ADK: variants seen among roughly 807,000 people sequenced by gnomAD.
The protein encoded by ADK is N6,N6-dimethyladenosine kinase.
A neutral mutation model predicts 44.7 loss-of-function variants in ADK; 24 were observed. That is an observed-to-expected ratio of 0.54 (90% confidence interval 0.39 to 0.76). The LOEUF (loss-of-function observed/expected upper bound fraction) is 0.76. ADK is among the 30% of genes least tolerant of loss of function. The probability of loss-of-function intolerance (pLI) is 0.00; values close to 1 mark genes in which losing one functional copy is unlikely to be tolerated. For missense variants in ADK, 321 were observed against 425.1 expected, an observed-to-expected ratio of 0.76 and a Z score of 2.15; for synonymous variants, 128 against 142.6, an observed-to-expected ratio of 0.90 and a Z score of 0.73.
intron 1 of ADK, among the ~76,000 whole-genome samples, chr10:74,190,201 C>T (rs1259793811): frequency 6.6e-6 from 1 of 152,206 alleles, no homozygotes; most frequent in Non-Finnish European, 1.5e-5. Context: ...TTTGCAACAG[C>T]AATGTATGAA....
At chr10:74,272,005 A>G (rs1846450176) in intron 3 of ADK, among the ~76,000 whole-genome samples, 1 of 152,012 alleles carries the variant, frequency 6.6e-6, no homozygotes, top group Admixed American at 6.6e-5. Flanking sequence ...GGAAACCTTA[A>G]TTATTCTGAA....
intron 10 of ADK, among the ~76,000 whole-genome samples, chr10:74,698,188 G>C (rs955118282): frequency 6.6e-6 from 1 of 152,196 alleles, no homozygotes; most frequent in Non-Finnish European, 1.5e-5. Flanking sequence ...AAAAGCCTGA[G>C]AGGCCCAGGT....
At chr10:74,549,622 A>G (rs547504811) in intron 7 of ADK, among the ~76,000 whole-genome samples, 2 of 152,168 alleles carry the variant, frequency 1.3e-5, no homozygotes, top group African/African-American at 4.8e-5. Flanking sequence ...TCTTGTGTAG[A>G]GATGGGGTTT....
chr10:74,680,047 G>A (rs1253144419), intron 10 of ADK, among the ~76,000 whole-genome samples: 1 of 151,950 alleles, frequency 6.6e-6, no homozygotes, highest in Non-Finnish European at 1.5e-5. Context: ...GGGCACGGTG[G>A]CTCACGCCTG....
chr10:74,348,862 A>G (rs1394956812), intron 4 of ADK, among the ~76,000 whole-genome samples: 1 of 149,396 alleles, frequency 6.7e-6, no homozygotes, highest in Non-Finnish European at 1.5e-5. Flanking sequence ...AAGATTAGAG[A>G]AAAAAAAAAT....
intron 6 of ADK, among the ~76,000 whole-genome samples, chr10:74,484,431 T>C (rs1847193632): frequency 1.3e-5 from 2 of 152,202 alleles, no homozygotes; most frequent in African/African-American, 4.8e-5. Context: ...CCTATCAGTG[T>C]TTACATTTTT....
intron 8 of ADK, among the ~76,000 whole-genome samples, chr10:74,590,768 A>C (rs986278346): frequency 6.6e-6 from 1 of 152,150 alleles, no homozygotes; most frequent in African/African-American, 2.4e-5. Flanking sequence ...TGTAGGACAA[A>C]ATGTAATCAT....
chr10:74,474,207 T>G (rs772795029), intron 6 of ADK, among the ~76,000 whole-genome samples: 10 of 151,778 alleles, frequency 6.6e-5, no homozygotes, highest in Non-Finnish European at 1.3e-4. Context: ...GCCTCAACCT[T>G]CTGGGCTCAA....
chr10:74,368,877 C>T (rs1479459059), intron 4 of ADK, among the ~76,000 whole-genome samples: 1 of 152,164 alleles, frequency 6.6e-6, no homozygotes, highest in Non-Finnish European at 1.5e-5. Context: ...ATCTGCCTGC[C>T]TTAGCCTCCC....
intron 10 of ADK, among the ~76,000 whole-genome samples, chr10:74,685,371 G>A (rs1589368097): frequency 6.6e-6 from 1 of 152,178 alleles, no homozygotes; most frequent in African/African-American, 2.4e-5. Context: ...CAGTTCTAAA[G>A]CCTAAGGGTA....
chr10:74,441,134 T>G (rs967578780), intron 6 of ADK, among the ~76,000 whole-genome samples: 5 of 152,226 alleles, frequency 3.3e-5, no homozygotes, highest in African/African-American at 1.2e-4. Context: ...CTCCACTTTA[T>G]GAAAACACAT....
chr10:74,200,944 A>G, intron 2 of ADK, 106 bp downstream of exon 2: 1 of 790,232 alleles, frequency 1.3e-6, no homozygotes, highest in Admixed American at 2.2e-5. Flanking sequence ...AATTAAAGGA[A>G]AACTCAGGAA....
At chr10:74,614,882 T>C (rs1321601514) in intron 9 of ADK, among the ~76,000 whole-genome samples, 1 of 152,186 alleles carries the variant, frequency 6.6e-6, no homozygotes, top group Non-Finnish European at 1.5e-5. Context: ...AAACAGAACT[T>C]GGCAATATAT....
At chr10:74,302,738 G>A (rs2132526182) in intron 3 of ADK, among the ~76,000 whole-genome samples, 1 of 152,292 alleles carries the variant, frequency 6.6e-6, no homozygotes, top group Non-Finnish European at 1.5e-5. Context: ...GGAAGTTGCA[G>A]TGAACCCAAA....
intron 6 of ADK, among the ~76,000 whole-genome samples, chr10:74,426,183 A>G (rs1176587268): frequency 2.6e-5 from 4 of 152,170 alleles, no homozygotes; most frequent in Non-Finnish European, 5.9e-5. Context: ...ATGTTTGCTC[A>G]TGCCGTTAAC....
At chr10:74,320,069 T>C (rs776319021) in intron 4 of ADK, among the ~76,000 whole-genome samples, 7 of 152,222 alleles carry the variant, frequency 4.6e-5, no homozygotes, top group Non-Finnish European at 1.0e-4. Context: ...TCTTTACTTC[T>C]TCATATGGCT....
At chr10:74,443,048 T>C (rs1202820179) in intron 6 of ADK, among the ~76,000 whole-genome samples, 1 of 152,176 alleles carries the variant, frequency 6.6e-6, no homozygotes, top group Non-Finnish European at 1.5e-5. Flanking sequence ...TCGTGGGGTG[T>C]AAACTTTTAG....
At chr10:74,656,768 T>C (rs1024858609) in intron 9 of ADK, among the ~76,000 whole-genome samples, 3 of 152,306 alleles carry the variant, frequency 2.0e-5, no homozygotes, top group Middle Eastern at 3.4e-3. Context: ...CAGTAGCCAC[T>C]CAATAAATGT....
chr10:74,552,080 G>A lies in ADK; in HGVS notation c.726+26654G>A, dbSNP rs1850054370. Among the ~76,000 whole-genome samples the A allele has an allele frequency of 2.6e-5, 4 of 151,692 alleles. No individual in the cohort carries two copies. In the South Asian group the frequency reaches 6.3e-4, roughly 24 times the overall value. ...TTTCAGTTCATAGTTGGTTGAATGTGGATGCAGATACAGTGGGCCAACTGT... is the reference window on the plus strand; with the variant it reads ...TTTCAGTTCATAGTTGGTTGAATGTAGATGCAGATACAGTGGGCCAACTGT... On this transcript the variant is annotated intron_variant, in intron 7 of 10. Transcript: ENST00000539909.
Sources: allele counts gnomAD v4.1 joint callset (sites outside exome capture counted in the v4.1 genomes callset), GRCh38; gene constraint gnomAD v4.1.1; transcripts MANE v1.5; gene names NCBI Gene and HGNC (gene_info 2026-07-23, HGNC 2026-07-21).